MTUS2: variants seen among roughly 807,000 people sequenced by gnomAD.
The protein encoded by MTUS2 is microtubule-associated tumor suppressor candidate 2.
A neutral mutation model predicts 114.1 loss-of-function variants in MTUS2; 40 were observed. That is an observed-to-expected ratio of 0.35 (90% CI 0.27 to 0.46). MTUS2 has a LOEUF of 0.46. MTUS2 is among the 20% of genes least tolerant of loss of function. MTUS2 has a pLI of 1.00. For synonymous variants in MTUS2, 688 were observed against 672.0 expected, an observed-to-expected ratio of 1.02 and a Z score of -0.37; for missense variants, 1,679 against 1,705.4, an observed-to-expected ratio of 0.98 and a Z score of 0.27.
At chr13:29,111,843 G>A (rs532092619) in intron 5 of MTUS2, among the ~76,000 whole-genome samples, 23 of 152,088 alleles carry the variant, frequency 1.5e-4, no homozygotes, top group Admixed American at 1.4e-3. Flanking sequence ...CCTGTAACAG[G>A]CAGCAATTAG....
intron 5 of MTUS2, among the ~76,000 whole-genome samples, chr13:29,141,893 G>A (rs1180894137): frequency 5.5e-5 from 8 of 146,120 alleles, no homozygotes; most frequent in Admixed American, 2.1e-4. Flanking sequence ...GGACTCTCAC[G>A]CTGTTGCCCA....
intron 7 of MTUS2, among the ~76,000 whole-genome samples, chr13:29,352,207 C>T (rs1316772201): frequency 6.6e-6 from 1 of 152,158 alleles, no homozygotes; most frequent in Admixed American, 6.5e-5. Context: ...TATACAACTT[C>T]TCTCTCAGTT....
intron 5 of MTUS2, among the ~76,000 whole-genome samples, chr13:29,104,324 G>A (rs1358219608): frequency 6.6e-6 from 1 of 152,148 alleles, no homozygotes; most frequent in Non-Finnish European, 1.5e-5. Context: ...CTTGCCCTGG[G>A]TCCTGGGCTG....
chr13:29,245,012 G>T (rs553255299), intron 5 of MTUS2, among the ~76,000 whole-genome samples: 7 of 147,602 alleles, frequency 4.7e-5, no homozygotes, highest in African/African-American at 1.8e-4. Context: ...AGATGTAAAG[G>T]ACATATTAGG....
intron 2 of MTUS2, among the ~76,000 whole-genome samples, chr13:28,933,324 A>C (rs948290647): frequency 2.0e-5 from 3 of 152,216 alleles, no homozygotes; most frequent in Non-Finnish European, 4.4e-5. Context: ...GGAAGGCTGG[A>C]AACTCAGGCA....
At chr13:29,448,503 G>C (rs74042086) in intron 9 of MTUS2, among the ~76,000 whole-genome samples, 13,104 of 151,914 alleles carry the variant, frequency 0.086, 743 homozygotes, top group African/African-American at 0.17. Flanking sequence ...CCCTTGGTGA[G>C]CTTGCCCAGA....
intron 15 of MTUS2, among the ~76,000 whole-genome samples, chr13:29,502,120 A>G (rs1882952797): frequency 6.6e-6 from 1 of 152,248 alleles, no homozygotes; most frequent in Non-Finnish European, 1.5e-5. Context: ...TCAGAGGCAC[A>G]TAGGAAAGGC....
chr13:28,847,830 T>TCA (rs1309462563), intron 2 of MTUS2, among the ~76,000 whole-genome samples: 1 of 152,138 alleles, frequency 6.6e-6, no homozygotes, highest in Non-Finnish European at 1.5e-5. Context: ...TGGATGGACC[T>TCA]CACATAGATG....
At chr13:29,286,664 G>GTCTATCTA (rs1481599709) in intron 6 of MTUS2, among the ~76,000 whole-genome samples, 3 of 76,396 alleles carry the variant, frequency 3.9e-5, no homozygotes, top group African/African-American at 1.2e-4. Context: ...CTGTCTGTCT[G>GTCTATCTA]TCTGTCTGTC....
intron 8 of MTUS2, among the ~76,000 whole-genome samples, chr13:29,438,228 T>A (rs1877559470): frequency 6.6e-6 from 1 of 152,172 alleles, no homozygotes; most frequent in African/African-American, 2.4e-5. Context: ...ATAAAATACA[T>A]GCTCTCAGAT....
Position 29,504,406 on chromosome 13 carries a change from C to A in MTUS2, c.*1200C>A, listed in dbSNP as rs1295740040. ...CAGGGGCTTCCAGAAAAAAAAAACACCATTTCTGTCCCGGGGGACCAGTTC... is the reference window on the plus strand; with the variant it reads ...CAGGGGCTTCCAGAAAAAAAAAACAACATTTCTGTCCCGGGGGACCAGTTC... On this transcript the variant is annotated 3_prime_UTR_variant, in exon 16 of 16. Coordinates refer to ENST00000612955, the MANE Select transcript of MTUS2 (RefSeq NM_001033602.4). 4.3e-6 allele frequency: 1 copy of A among 231,804 alleles called. No homozygotes were observed. Among genetic ancestry groups the A allele is most frequent in the Admixed American group, 5.6e-5 (1 of 17,702 alleles). 14.4% of individuals were successfully genotyped at this position (231,804 alleles called of 1,614,324 possible). A position where few individuals can be genotyped will look rare whatever the true frequency, so the allele number is the denominator to read the frequency against.
chr13:29,136,750 G>A (rs1891994570), intron 5 of MTUS2, among the ~76,000 whole-genome samples: 1 of 152,032 alleles, frequency 6.6e-6, no homozygotes, highest in African/African-American at 2.4e-5. Flanking sequence ...TGTATTTTTT[G>A]TACTGAGTTT....
At chr13:29,185,429 A>C (rs1894181956) in intron 5 of MTUS2, among the ~76,000 whole-genome samples, 1 of 152,220 alleles carries the variant, frequency 6.6e-6, no homozygotes, top group East Asian at 1.9e-4. Context: ...ATTGTTGAAG[A>C]AGCTCAGCAA....
chr13:28,836,364 C>T (rs1021328621), intron 1 of MTUS2, among the ~76,000 whole-genome samples: 3 of 152,142 alleles, frequency 2.0e-5, no homozygotes, highest in African/African-American at 4.8e-5. Flanking sequence ...GCAAAGCTTT[C>T]AGAGACACAG....
At chr13:29,472,989 C>T (rs992109154) in intron 9 of MTUS2, among the ~76,000 whole-genome samples, 1 of 152,134 alleles carries the variant, frequency 6.6e-6, no homozygotes, top group Non-Finnish European at 1.5e-5. Context: ...TTTTCAATTA[C>T]TCCCAATCTC....
intron 5 of MTUS2, among the ~76,000 whole-genome samples, chr13:29,204,519 G>C (rs1219019910): frequency 2.0e-5 from 3 of 152,212 alleles, no homozygotes; most frequent in Non-Finnish European, 4.4e-5. Flanking sequence ...CATAGTCCCA[G>C]CCAGGAGGAG....
intron 5 of MTUS2, among the ~76,000 whole-genome samples, chr13:29,174,109 G>A (rs775018939): frequency 6.6e-5 from 10 of 152,166 alleles, no homozygotes; most frequent in East Asian, 1.9e-4. Context: ...TTGTTCCTTC[G>A]TGTTTCCTCC....
intron 5 of MTUS2, among the ~76,000 whole-genome samples, chr13:29,248,766 T>C (rs910135367): frequency 6.6e-6 from 1 of 152,236 alleles, no homozygotes; most frequent in Non-Finnish European, 1.5e-5. Context: ...CTGAGGATGA[T>C]GGCTTCCAGC....
At chr13:29,500,423 G>C (rs543832957) in intron 14 of MTUS2, among the ~76,000 whole-genome samples, 60 of 152,302 alleles carry the variant, frequency 3.9e-4, no homozygotes, top group African/African-American at 1.3e-3. Context: ...CTGTACTTCA[G>C]CTAGGTCTCA....
Sources: gnomAD v4.1 joint callset for allele counts (sites outside exome capture counted in the v4.1 genomes callset) on GRCh38, gnomAD v4.1.1 for gene constraint, MANE v1.5 for transcripts, NCBI Gene and HGNC (gene_info 2026-07-23, HGNC 2026-07-21) for gene names.